The following GRM5 variants were observed in gnomAD, a reference collection of about 807,000 sequenced individuals.
GRM5 encodes metabotropic glutamate receptor 5.
A neutral mutation model predicts 83.1 loss-of-function variants in GRM5; 19 were observed. The observed-to-expected ratio is 0.23, with a 90% CI of 0.16 to 0.34. The LOEUF is 0.34. Ranked by LOEUF, GRM5 falls within the 10% of genes least tolerant of loss-of-function variation. The pLI is 1.00. For synonymous variants in GRM5, 675 were observed against 633.6 expected, an observed-to-expected ratio of 1.07 and a Z score of -0.98; for missense variants, 1,160 against 1,588.3, an observed-to-expected ratio of 0.73 and a Z score of 4.58.
chr11:88,780,802 C>T (rs917010558), intron 3 of GRM5, among the ~76,000 whole-genome samples: 1 of 152,088 alleles, frequency 6.6e-6, no homozygotes, highest in Non-Finnish European at 1.5e-5. Flanking sequence ...AGTCACGAGC[C>T]ACCATGCCAG....
At chr11:88,760,170 A>C (rs1175196472) in intron 3 of GRM5, among the ~76,000 whole-genome samples, 1 of 152,190 alleles carries the variant, frequency 6.6e-6, no homozygotes, top group Non-Finnish European at 1.5e-5. Context: ...TAACTAGAGA[A>C]TCAACAGCAA....
intron 3 of GRM5, among the ~76,000 whole-genome samples, chr11:88,811,900 C>T (rs1039340411): frequency 6.6e-6 from 1 of 152,034 alleles, no homozygotes; most frequent in Non-Finnish European, 1.5e-5. Flanking sequence ...TCAGTGATAA[C>T]AGCCAGAAAT....
intron 3 of GRM5, among the ~76,000 whole-genome samples, chr11:88,757,493 G>A (rs1341845578): frequency 6.6e-6 from 1 of 152,076 alleles, no homozygotes; most frequent in African/African-American, 2.4e-5. Context: ...AGTGAAACTA[G>A]TATGGATGAC....
chr11:88,814,093 T>C (rs564775233), intron 3 of GRM5, among the ~76,000 whole-genome samples: 2 of 152,312 alleles, frequency 1.3e-5, no homozygotes, highest in South Asian at 4.1e-4. Flanking sequence ...AAATCAGATA[T>C]ACCATCCTAT....
chr11:89,044,411 T>C (rs1486465034), intron 2 of GRM5, among the ~76,000 whole-genome samples: 1 of 152,080 alleles, frequency 6.6e-6, no homozygotes, highest in African/African-American at 2.4e-5. Flanking sequence ...TCACAGGAAA[T>C]AGCAAGTGTA....
At chr11:88,972,363 T>C (rs1327210944) in intron 2 of GRM5, among the ~76,000 whole-genome samples, 1 of 152,160 alleles carries the variant, frequency 6.6e-6, no homozygotes, top group Non-Finnish European at 1.5e-5. Context: ...TGACTGAAAT[T>C]GGCCAGAAGC....
chr11:89,022,401 G>T (rs1220697875), intron 2 of GRM5, among the ~76,000 whole-genome samples: 1 of 151,818 alleles, frequency 6.6e-6, no homozygotes, highest in Non-Finnish European at 1.5e-5. Flanking sequence ...CCAGCACTTT[G>T]GGAGGCCAAG....
intron 3 of GRM5, among the ~76,000 whole-genome samples, chr11:88,819,725 C>G (rs1473124238): frequency 1.3e-5 from 2 of 152,048 alleles, no homozygotes; most frequent in Admixed American, 1.3e-4. Flanking sequence ...AACAGAATAC[C>G]TGAAAATGGG....
chr11:88,909,587 C>G (rs1428603049), intron 2 of GRM5, among the ~76,000 whole-genome samples: 1 of 149,414 alleles, frequency 6.7e-6, no homozygotes, highest in Non-Finnish European at 1.5e-5. Context: ...CTATTTTCAT[C>G]TCTAGCTTGT....
intron 2 of GRM5, among the ~76,000 whole-genome samples, chr11:88,943,857 T>G (rs555417922): frequency 1.3e-5 from 2 of 152,114 alleles, no homozygotes; most frequent in East Asian, 3.9e-4. Context: ...TAGCTACAAA[T>G]TCACATTTTC....
At chr11:88,532,683 G>A (rs1248018957) in intron 8 of GRM5, among the ~76,000 whole-genome samples, 1 of 152,118 alleles carries the variant, frequency 6.6e-6, no homozygotes, top group Non-Finnish European at 1.5e-5. Context: ...AATCTCCAAT[G>A]AGATTTGCTG....
intron 4 of GRM5, among the ~76,000 whole-genome samples, chr11:88,639,643 A>G (rs1939236327): frequency 6.7e-6 from 1 of 150,222 alleles, no homozygotes; most frequent in Admixed American, 6.7e-5. Context: ...GCTGGAGTGC[A>G]GTGGCACAAT....
chr11:88,607,957 T>C lies in GRM5; in HGVS notation c.1148-2993A>G, dbSNP rs892485213. Among the ~76,000 whole-genome samples the C allele has an allele frequency of 2.0e-5, 3 of 152,330 alleles. No homozygotes were observed. In the East Asian group the frequency reaches 5.8e-4, roughly 29 times the overall value. On this transcript the variant is annotated intron_variant, in intron 4 of 9. Coordinates refer to ENST00000305447, the MANE Select transcript of GRM5 (RefSeq NM_001143831.3). ...ACTGGCTAGAAGAGCCTAGGCTCTG[T>C]TTCAGTCTCACCAGAACAGCATGTC...
intron 4 of GRM5, among the ~76,000 whole-genome samples, chr11:88,614,805 C>T (rs558916085): frequency 1.3e-5 from 2 of 152,204 alleles, no homozygotes; most frequent in South Asian, 4.2e-4. Flanking sequence ...GTCGATTTTC[C>T]GTGGTCACTC....
chr11:88,679,912 ATCT>A (rs1455344539), intron 3 of GRM5, among the ~76,000 whole-genome samples: 1 of 132,638 alleles, frequency 7.5e-6, no homozygotes, highest in African/African-American at 2.9e-5. Context: ...CTCATTCTTC[ATCT>A]TCTTAATCTG....
chr11:88,688,999 G>T (rs1384453294), intron 3 of GRM5, among the ~76,000 whole-genome samples: 1 of 151,840 alleles, frequency 6.6e-6, no homozygotes, highest in South Asian at 2.1e-4. Context: ...GAAATGAAAG[G>T]GGTCATTGTA....
At chr11:89,012,781 C>T (rs534323371) in intron 2 of GRM5, among the ~76,000 whole-genome samples, 15 of 152,218 alleles carry the variant, frequency 9.9e-5, no homozygotes, top group African/African-American at 2.9e-4. Context: ...CAGCCCAAAT[C>T]GTCAAAGAGC....
At chr11:89,018,693 G>A (rs1940914352) in intron 2 of GRM5, among the ~76,000 whole-genome samples, 1 of 152,106 alleles carries the variant, frequency 6.6e-6, no homozygotes, top group African/African-American at 2.4e-5. Context: ...CCATGGTGAT[G>A]GGGGATAGTG....
chr11:88,653,070 C>G (rs189722019), intron 4 of GRM5, 98 bp downstream of exon 4: 3 of 745,134 alleles, frequency 4.0e-6, no homozygotes, highest in Non-Finnish European at 6.9e-6. Flanking sequence ...TAAGAGTCCT[C>G]CCTTGTAACA....
Sources: gnomAD v4.1 joint callset for allele counts (sites outside exome capture counted in the v4.1 genomes callset) on GRCh38, gnomAD v4.1.1 for gene constraint, MANE v1.5 for transcripts, NCBI Gene and HGNC (gene_info 2026-07-23, HGNC 2026-07-21) for gene names.